The following ZNF90 variants were observed in gnomAD, a reference collection of about 807,000 sequenced individuals.
The protein encoded by ZNF90 is zinc finger protein 90.
A neutral mutation model predicts 12.0 loss-of-function variants in ZNF90; 11 were observed. The observed-to-expected ratio is 0.92, with a 90% CI of 0.58 to 1.52. The LOEUF (loss-of-function observed/expected upper bound fraction) is 1.52. ZNF90 is among the 40% of genes most tolerant of loss of function. The pLI, the probability that ZNF90 is intolerant of heterozygous loss-of-function variation, is 0.00. For synonymous variants in ZNF90, 232 were observed against 240.1 expected, an observed-to-expected ratio of 0.97 and a Z score of 0.31; for missense variants, 765 against 711.5, an observed-to-expected ratio of 1.08 and a Z score of -0.86.
intron 1 of ZNF90, among the ~76,000 whole-genome samples, chr19:20,094,281 G>A (rs1225608672): frequency 6.6e-6 from 1 of 152,178 alleles, no homozygotes; most frequent in Non-Finnish European, 1.5e-5. Flanking sequence ...ATTAATTCCT[G>A]TTGTGGGGTT....
chr19:20,105,606 G>A (rs2089029562), intron 3 of ZNF90, among the ~76,000 whole-genome samples: 1 of 152,152 alleles, frequency 6.6e-6, no homozygotes, highest in Non-Finnish European at 1.5e-5. Flanking sequence ...CAATCTGGCT[G>A]CTTTTACATC....
At chr19:20,090,603 A>G (rs964314659) in intron 1 of ZNF90, among the ~76,000 whole-genome samples, 2 of 152,112 alleles carry the variant, frequency 1.3e-5, no homozygotes, top group Non-Finnish European at 2.9e-5. Flanking sequence ...ACAACAACTG[A>G]TCGTCCAGCT....
intron 1 of ZNF90, among the ~76,000 whole-genome samples, chr19:20,078,483 A>T (rs2088795043): frequency 6.6e-6 from 1 of 151,974 alleles, no homozygotes; most frequent in African/African-American, 2.4e-5. Flanking sequence ...GCTTTGGTCC[A>T]TGGGGTTGAC....
At chr19:20,092,162 T>C (rs900913916) in intron 1 of ZNF90, among the ~76,000 whole-genome samples, 2 of 152,118 alleles carry the variant, frequency 1.3e-5, no homozygotes, top group Admixed American at 6.5e-5. Flanking sequence ...TGTGGGAGAC[T>C]CAACAAAGAG....
chr19:20,093,903 G>C (rs548679305), intron 1 of ZNF90, among the ~76,000 whole-genome samples: 1 of 152,332 alleles, frequency 6.6e-6, no homozygotes, highest in South Asian at 2.1e-4. Context: ...AAGCCAAGCA[G>C]ATCTGGGAAG....
At chr19:20,078,276 T>C (rs2088792755) in intron 1 of ZNF90, 141 bp downstream of exon 1, 2 of 1,124,874 alleles carry the variant, frequency 1.8e-6, no homozygotes, top group African/African-American at 3.1e-5. Flanking sequence ...TCGGCCTCAG[T>C]CCCCTTCAGC....
intron 3 of ZNF90, among the ~76,000 whole-genome samples, chr19:20,115,596 C>T (rs1354709365): frequency 6.6e-6 from 1 of 151,842 alleles, no homozygotes; most frequent in Non-Finnish European, 1.5e-5. Flanking sequence ...TTCATCATTA[C>T]ATCTGCTGCT....
chr19:20,119,215 G>C lies in ZNF90; in HGVS notation c.1661G>C (p.Ser554Thr). 6.2e-7 allele frequency: 1 copy of C among 1,610,372 alleles called. No homozygotes were observed. Reference protein sequence around the residue: ...KAFKRSSQLTSHKISHTGEKP... With the variant: ...KAFKRSSQLTTHKISHTGEKP... Reference sequence around the variant, plus strand: ...TTTAAGCGCTCCTCACAGCTTACTAGTCATAAGATAAGTCATACTGGAGAG... The same window carrying C: ...TTTAAGCGCTCCTCACAGCTTACTACTCATAAGATAAGTCATACTGGAGAG... Residue 554 changes from serine (S) to threonine (T), a missense_variant, in exon 4 of 4, where the codon AGT (serine) becomes ACT (threonine). Ser to Thr is a moderately conservative substitution (Grantham distance 58). Transcript: ENST00000418063.
At chr19:20,085,268 C>CTTTTTTTTTTTCTTTTTTTTTT (rs56068843) in intron 1 of ZNF90, among the ~76,000 whole-genome samples, 5 of 135,572 alleles carry the variant, frequency 3.7e-5, no homozygotes, top group East Asian at 2.5e-4. Context: ...TTGCATTGGT[C>CTTTTTTTTTTTCTTTTTTTTTT]TTTTTTTTTT....
chr19:20,088,110 C>G (rs1385078277), intron 1 of ZNF90, among the ~76,000 whole-genome samples: 1 of 151,964 alleles, frequency 6.6e-6, no homozygotes, highest in Admixed American at 6.6e-5. Flanking sequence ...GATGCGATGG[C>G]TTGGCTTGGG....
intron 3 of ZNF90, among the ~76,000 whole-genome samples, chr19:20,106,087 C>G (rs2089035160): frequency 9.9e-6 from 1 of 100,732 alleles, no homozygotes; most frequent in Non-Finnish European, 2.1e-5. Flanking sequence ...TTTTTACCTC[C>G]ATGGTTAATT....
rs78771670 is a variant in ZNF90, at chr19:20,102,251, A to G, written c.4-1988A>G. On this transcript the variant is annotated intron_variant, in intron 1 of 3. Coordinates refer to ENST00000418063, the MANE Select transcript of ZNF90 (RefSeq NM_007138.2). ...TCCTTGCTCCTAGTTTCAGTAAACA[A>G]TCCCTTCTAACTCATGTATTTAGGG... Among the ~76,000 whole-genome samples, 781 of 152,268 alleles carry G rather than the reference A, an allele frequency of 5.1e-3. 9 individuals carry two copies. Among genetic ancestry groups the G allele is most frequent in the African/African-American group, 0.018 (732 of 41,546 alleles).
chr19:20,082,748 C>T (rs1230351), intron 1 of ZNF90, among the ~76,000 whole-genome samples: 39,957 of 152,032 alleles, frequency 0.26, 5,981 homozygotes, highest in East Asian at 0.48. Flanking sequence ...TCCCCCAGCC[C>T]GACACCCATA....
intron 1 of ZNF90, among the ~76,000 whole-genome samples, chr19:20,084,711 T>C (rs1189046183): frequency 6.6e-6 from 1 of 152,232 alleles, no homozygotes; most frequent in East Asian, 1.9e-4. Flanking sequence ...TGTCTCATTG[T>C]GATTTTTCTT....
rs782159230 is a variant in ZNF90, at chr19:20,117,834, T to A, written c.280T>A (p.Ser94Thr). The A allele has an allele frequency of 6.3e-7, 1 of 1,596,478 alleles. No individual in the cohort carries two copies. Among genetic ancestry groups the A allele is most frequent in the East Asian group, 2.2e-5 (1 of 44,742 alleles). ...DLCPEQSLKD[S>T]FQKVIVTRYE... ...TTGTCCAGAGCAGAGCCTAAAAGAT[T>A]CCTTCCAAAAAGTGATAGTGACAAG... The change falls in exon 4 of 4, where the codon TCC becomes ACC. Residue 94 changes from serine (S) to threonine (T), a missense_variant. Ser to Thr is a moderately conservative substitution (Grantham distance 58). Coordinates refer to ENST00000418063, the MANE Select transcript of ZNF90 (RefSeq NM_007138.2).
intron 1 of ZNF90, among the ~76,000 whole-genome samples, chr19:20,090,707 T>TA (rs1360469503): frequency 6.6e-6 from 1 of 152,152 alleles, no homozygotes; most frequent in Non-Finnish European, 1.5e-5. Flanking sequence ...GACTGGAAGA[T>TA]AGTCACCTAG....
rs782356325 is a variant in ZNF90, at chr19:20,118,127, T to C, written c.573T>C (p.His191=). Reference sequence around the variant, plus strand: ...ACCAGTCCTCAACCCTTGCTACACATAAGAAAATTCATACTGGAGAGATAA... The same window carrying C: ...ACCAGTCCTCAACCCTTGCTACACACAAGAAAATTCATACTGGAGAGATAA... ...AFNQSSTLAT[H]KKIHTGEITC... The change falls in exon 4 of 4, where the codon CAT becomes CAC. Residue 191 remains histidine (H), a synonymous_variant. Transcript: ENST00000418063. The C allele has an allele frequency of 8.1e-6, 13 of 1,610,720 alleles. No individual in the cohort carries two copies. Among genetic ancestry groups the C allele is most frequent in the Non-Finnish European group, 9.3e-6 (11 of 1,178,114 alleles).
intron 1 of ZNF90, among the ~76,000 whole-genome samples, chr19:20,100,578 C>G (rs1403130258): frequency 6.6e-6 from 1 of 152,196 alleles, no homozygotes; most frequent in Admixed American, 6.5e-5. Context: ...GGCACCCCTC[C>G]CCAGGAAATC....
rs2089153019 is a variant in ZNF90, at chr19:20,117,787, G to A, written c.233G>A (p.Cys78Tyr). The A allele has an allele frequency of 1.3e-6, 2 of 1,518,330 alleles. No individual in the cohort carries two copies. The highest frequency in any genetic ancestry group is 2.4e-5 in the Admixed American group (1 of 41,332). The allele number at this position is 1,518,330 out of a possible 1,614,324, so 94.1% of individuals were successfully genotyped here. Residue 78 changes from cysteine to tyrosine, a missense_variant, in exon 4 of 4, where the codon TGT becomes TAT. By Grantham distance (194) the Cys-to-Tyr change is radical. Transcript: ENST00000418063. ...HEMIAKSPVM[C>Y]FHFAQDLCPE... ...TTCTTATTGTTTCTTTCAGTTATGT[G>A]TTTTCATTTTGCCCAAGACCTTTGT... is the stretch of plus-strand genomic sequence containing the variant.
Sources: gnomAD v4.1 joint callset for allele counts (sites outside exome capture counted in the v4.1 genomes callset) on GRCh38, gnomAD v4.1.1 for gene constraint, MANE v1.5 for transcripts, NCBI Gene and HGNC (gene_info 2026-07-23, HGNC 2026-07-21) for gene names.